MAP2K5: variants seen among roughly 807,000 people sequenced by gnomAD.
The protein encoded by MAP2K5 is mitogen-activated protein kinase kinase 5.
Under a neutral mutation model 83.1 loss-of-function variants are expected in MAP2K5, and 49 were observed. The ratio of observed to expected loss-of-function variants is 0.59; its 90% CI spans 0.47 to 0.75. The LOEUF is 0.75. MAP2K5 is among the 30% of genes least tolerant of loss of function. The probability of loss-of-function intolerance (pLI) is 0.00; values close to 1 mark genes in which losing one functional copy is unlikely to be tolerated. For synonymous variants in MAP2K5, 202 were observed against 191.8 expected, an observed-to-expected ratio of 1.05 and a Z score of -0.44; for missense variants, 457 against 557.5, an observed-to-expected ratio of 0.82 and a Z score of 1.82.
At chr15:67,612,192 C>T (rs564694321) in intron 8 of MAP2K5, among the ~76,000 whole-genome samples, 8 of 151,566 alleles carry the variant, frequency 5.3e-5, no homozygotes, top group Non-Finnish European at 1.0e-4. Flanking sequence ...GTTAGTTTCC[C>T]TCCTCTCACA....
intron 8 of MAP2K5, among the ~76,000 whole-genome samples, chr15:67,616,193 AAGAAGCATCATCTGTAAGAAT>A (rs1160468191): frequency 3.3e-5 from 5 of 151,954 alleles, no homozygotes; most frequent in African/African-American, 9.7e-5. Flanking sequence ...ACACAGAGCA[AAGAAGCATCATCTGTAAGAAT>A]AGAAGCATCA....
At chr15:67,616,385 T>C (rs1243586832) in intron 8 of MAP2K5, among the ~76,000 whole-genome samples, 1 of 152,192 alleles carries the variant, frequency 6.6e-6, no homozygotes, top group African/African-American at 2.4e-5. Flanking sequence ...CAATGATTTA[T>C]TTGTCTTGTC....
chr15:67,689,713 A>T (rs1036341304), intron 13 of MAP2K5, among the ~76,000 whole-genome samples: 1 of 152,228 alleles, frequency 6.6e-6, no homozygotes, highest in Admixed American at 6.5e-5. Context: ...TTTGGAATAT[A>T]GTTTAGCAGT....
chr15:67,624,581 C>T (rs928563185), intron 8 of MAP2K5, among the ~76,000 whole-genome samples: 4 of 147,780 alleles, frequency 2.7e-5, no homozygotes, highest in Non-Finnish European at 4.5e-5. Context: ...TTAAACATCA[C>T]GATCTCTTTG....
chr15:67,639,473 G>A (rs2086667299), intron 9 of MAP2K5, among the ~76,000 whole-genome samples: 1 of 152,128 alleles, frequency 6.6e-6, no homozygotes, highest in African/African-American at 2.4e-5. Flanking sequence ...TAAATAACTT[G>A]CCCAAGGTCC....
At position 67,772,775 on chromosome 15, in the gene MAP2K5, A is replaced by T. The variant is rs199551641; in HGVS notation, c.1242+23A>T. 1.1e-4 allele frequency: 169 copies of T among 1,575,376 alleles called. No individual in the cohort carries two copies. The East Asian group carries it at 3.8e-3, about 35-fold the overall frequency. ...ATGGTAAGTGAATGTTTTTAGTTAC[A>T]TTAGAATTCTCAGTTATATATTTAT... is the stretch of plus-strand genomic sequence containing the variant. On this transcript the variant is annotated intron_variant, in intron 21 of 21. Transcript: ENST00000178640.
rs2089633893 is a variant in MAP2K5 at position 67,747,736 on chromosome 15, C to T, written c.1075-495C>T. Among the ~76,000 whole-genome samples the T allele has an allele frequency of 6.6e-6, 1 of 152,192 alleles. No individual in the cohort carries two copies. The highest frequency in any genetic ancestry group is 1.5e-5 in the Non-Finnish European group (1 of 68,034). ...CCCACTCCTAAGTTAGGTGCAAATA[C>T]TTCAACTACATAATTAAAGTTTTCC... On this transcript the variant is annotated intron_variant, in intron 17 of 21. Transcript: ENST00000178640. The surrounding 1 kb of genome is among the most constrained non-coding windows in gnomAD (Gnocchi z 4.1).
In MAP2K5 at chr15:67,557,613, T is replaced by A. The variant is rs567007074; in HGVS notation, c.185-5670T>A. Among the ~76,000 whole-genome samples the A allele has an allele frequency of 3.3e-5, 5 of 152,326 alleles. No individual in the cohort carries two copies. The East Asian group carries it at 7.7e-4, about 23-fold the overall frequency. On this transcript the variant is annotated intron_variant, in intron 2 of 21. Coordinates refer to ENST00000178640, the MANE Select transcript of MAP2K5 (RefSeq NM_145160.3). ...GAAATCTTTAAACCAACACATTATG[T>A]CTCATTTTAAATTTGGCATAGTATG...
rs1260365006 is a variant in MAP2K5 at position 67,769,655 on chromosome 15, C to T, written c.1188C>T (p.Ile396=). ...TCTCGGAGCCATTTGTACATTTCAT[C>T]ACTCAGTGGTGAGCCCGTTTACAAA... The part of the protein sequence containing the change: ...GEFSEPFVHF[I]TQCMRKQPKE... The change falls in exon 20 of 22, where the codon ATC becomes ATT. Residue 396 remains isoleucine (I), a synonymous_variant. Coordinates refer to ENST00000178640, the MANE Select transcript of MAP2K5 (RefSeq NM_145160.3). This position sits in a 1 kb window ranked among gnomAD's most constrained non-coding sequence, Gnocchi z 5.2. The T allele has an allele frequency of 1.2e-6, 2 of 1,613,696 alleles. No individual in the cohort carries two copies. The highest frequency in any genetic ancestry group is 4.5e-5 in the East Asian group (2 of 44,860).
intron 16 of MAP2K5, among the ~76,000 whole-genome samples, chr15:67,726,976 A>C (rs1311685600): frequency 1.3e-5 from 2 of 152,202 alleles, no homozygotes; most frequent in Non-Finnish European, 2.9e-5. Flanking sequence ...AGCCAGGCAG[A>C]TCACTTGAGG....
chr15:67,738,127 C>T lies in MAP2K5; in HGVS notation c.1075-10104C>T, dbSNP rs558231493. Among the ~76,000 whole-genome samples the T allele has an allele frequency of 7.9e-5, 12 of 152,274 alleles. No homozygotes were observed. The highest frequency in any genetic ancestry group is 2.9e-4 in the African/African-American group (12 of 41,570). ...TCAGCCTCCCAGAGTACTGGGATTACAGGCGTGAGCCACTGCACTTGGCCT... is the reference window on the plus strand; with the variant it reads ...TCAGCCTCCCAGAGTACTGGGATTATAGGCGTGAGCCACTGCACTTGGCCT... On this transcript the variant is annotated intron_variant, in intron 17 of 21. Transcript: ENST00000178640. This position sits in a 1 kb window ranked among gnomAD's most constrained non-coding sequence, Gnocchi z 4.1.
intron 9 of MAP2K5, among the ~76,000 whole-genome samples, chr15:67,634,160 A>G (rs1262062252): frequency 6.6e-6 from 1 of 151,782 alleles, no homozygotes; most frequent in African/African-American, 2.4e-5. Context: ...GGAGTACGAG[A>G]CCAGCCTGGG....
At chr15:67,547,749 G>A (rs1325228909) in intron 1 of MAP2K5, among the ~76,000 whole-genome samples, 2 of 152,136 alleles carry the variant, frequency 1.3e-5, no homozygotes, top group African/African-American at 2.4e-5. Context: ...GAGCCACTGC[G>A]CCCATCCCGG....
rs28492777 is a variant in MAP2K5, at chr15:67,643,812, C to T, written c.586-2419C>T. Among the ~76,000 whole-genome samples the T allele has an allele frequency of 6.1e-3, 933 of 152,234 alleles. 13 individuals carry two copies. The highest frequency in any genetic ancestry group is 0.021 in the African/African-American group (881 of 41,532). ...CCCACCTTCCGCTTCCCCAAATCAACGCCTGGCCAATGTCAGGACTATAAA... is the reference window on the plus strand; with the variant it reads ...CCCACCTTCCGCTTCCCCAAATCAATGCCTGGCCAATGTCAGGACTATAAA... On this transcript the variant is annotated intron_variant, in intron 9 of 21. Transcript: ENST00000178640.
At chr15:67,619,488 G>A (rs1446536362) in intron 8 of MAP2K5, among the ~76,000 whole-genome samples, 1 of 152,138 alleles carries the variant, frequency 6.6e-6, no homozygotes, top group Non-Finnish European at 1.5e-5. Context: ...GGATCTAGGA[G>A]GAGAATATAT....
At chr15:67,734,340 T>C (rs545717834) in intron 17 of MAP2K5, among the ~76,000 whole-genome samples, 2 of 152,362 alleles carry the variant, frequency 1.3e-5, no homozygotes, top group African/African-American at 4.8e-5. Flanking sequence ...TTGTTTAACT[T>C]GGCTTGGAAA....
rs2089856968 is a variant in MAP2K5, at chr15:67,757,211, A to G, written c.1134+8610A>G. 6.6e-6 allele frequency among the ~76,000 whole-genome samples: 1 copy of G among 152,034 alleles called. No homozygotes were observed. Among genetic ancestry groups the G allele is most frequent in the African/African-American group, 2.4e-5 (1 of 41,388 alleles). Reference sequence around the variant, plus strand: ...CTCCACATCCTCACCATCCCTAGTTACCTTTTGACTTTTTTGTAATAGCCA... The same window carrying G: ...CTCCACATCCTCACCATCCCTAGTTGCCTTTTGACTTTTTTGTAATAGCCA... On this transcript the variant is annotated intron_variant, in intron 19 of 21. Transcript: ENST00000178640. The surrounding 1 kb of genome is among the most constrained non-coding windows in gnomAD (Gnocchi z 4.9).
rs2090581045 is a variant in MAP2K5, at chr15:67,794,996, A to G, written c.1243-11650A>G. Among the ~76,000 whole-genome samples, 1 of 152,250 alleles carries G rather than the reference A, an allele frequency of 6.6e-6. No individual in the cohort carries two copies. The highest frequency in any genetic ancestry group is 1.5e-5 in the Non-Finnish European group (1 of 68,044). On this transcript the variant is annotated intron_variant, in intron 21 of 21. Coordinates refer to ENST00000178640, the MANE Select transcript of MAP2K5 (RefSeq NM_145160.3). This position sits in a 1 kb window ranked among gnomAD's most constrained non-coding sequence, Gnocchi z 4.6. ...GGTGGGTGATGTTTTGTCAGTGCTC[A>G]TTGGCACCTTGCCAGCCACCACCAT... is the stretch of plus-strand genomic sequence containing the variant.
At chr15:67,646,321 T>C in intron 10 of MAP2K5, 22 bp downstream of exon 10, 1 of 1,424,672 alleles carries the variant, frequency 7.0e-7, no homozygotes. Flanking sequence ...ATAATTTTTA[T>C]TTGTAAAGCA....
Sources: allele counts gnomAD v4.1 joint callset (sites outside exome capture counted in the v4.1 genomes callset), GRCh38; gene constraint gnomAD v4.1.1; non-coding constraint Gnocchi (gnomAD v3.1); transcripts MANE v1.5; gene names NCBI Gene and HGNC (gene_info 2026-07-23, HGNC 2026-07-21).